The following TXK variants were observed in gnomAD, a reference collection of about 807,000 sequenced individuals.
TXK encodes tyrosine-protein kinase TXK.
Under a neutral mutation model 81.0 loss-of-function variants are expected in TXK, and 60 were observed. The observed-to-expected ratio is 0.74, with a 90% CI of 0.60 to 0.92. The LOEUF is 0.92. Among genes scored for constraint, TXK ranks in the 40% least tolerant of loss-of-function variants. The pLI, the probability that TXK is intolerant of heterozygous loss-of-function variation, is 0.00. For synonymous variants in TXK, 203 were observed against 210.7 expected (o/e 0.96, Z 0.32); for missense variants, 581 against 638.3 (o/e 0.91, Z 0.97).
chr4:48,092,226 A>AT (rs1191682344), intron 8 of TXK, among the ~76,000 whole-genome samples: 1 of 152,180 alleles, frequency 6.6e-6, no homozygotes, highest in African/African-American at 2.4e-5. Flanking sequence ...GCAAAGGGAG[A>AT]TGCCTAAGGT....
chr4:48,110,929 C>T (rs1411345791), intron 4 of TXK, among the ~76,000 whole-genome samples: 2 of 152,178 alleles, frequency 1.3e-5, no homozygotes, highest in African/African-American at 4.8e-5. Flanking sequence ...ACAAAGACAT[C>T]GACTTCATTC....
intron 10 of TXK, among the ~76,000 whole-genome samples, chr4:48,082,500 TAACTC>T (rs757078211): frequency 2.6e-5 from 4 of 152,192 alleles, no homozygotes; most frequent in East Asian, 1.9e-4. Context: ...CTTTGGATAA[TAACTC>T]AACCAATTGT....
chr4:48,079,696 C>G (rs1482929075), intron 11 of TXK, among the ~76,000 whole-genome samples: 1 of 152,164 alleles, frequency 6.6e-6, no homozygotes, highest in African/African-American at 2.4e-5. Flanking sequence ...TCGGCTCTGT[C>G]TAGGCAGCAG....
At chr4:48,104,810 A>C (rs1480474949) in intron 6 of TXK, 91 bp downstream of exon 6, 2 of 977,512 alleles carry the variant, frequency 2.0e-6, no homozygotes, top group Non-Finnish European at 3.1e-6. Flanking sequence ...GAACTAGAAA[A>C]GACAAGAAAT....
At chr4:48,098,110 A>C (rs1443002782) in intron 6 of TXK, among the ~76,000 whole-genome samples, 4 of 152,180 alleles carry the variant, frequency 2.6e-5, no homozygotes, top group Admixed American at 1.3e-4. Flanking sequence ...CTTAAAGAAA[A>C]AAATGGTATA....
At chr4:48,080,732 T>G (rs1181599801) in intron 10 of TXK, among the ~76,000 whole-genome samples, 1 of 151,018 alleles carries the variant, frequency 6.6e-6, no homozygotes, top group Non-Finnish European at 1.5e-5. Flanking sequence ...TATTAAAATA[T>G]ACCCAGAACT....
intron 14 of TXK, among the ~76,000 whole-genome samples, chr4:48,070,140 T>C (rs1446911246): frequency 2.1e-5 from 3 of 140,212 alleles, no homozygotes; most frequent in African/African-American, 7.9e-5. Flanking sequence ...AGGAGGAAAC[T>C]TCTCATCAAG....
intron 8 of TXK, 74 bp downstream of exon 8, chr4:48,094,003 G>C: frequency 6.3e-7 from 1 of 1,575,510 alleles, no homozygotes; most frequent in Non-Finnish European, 8.7e-7. Context: ...CCTGTTGAGT[G>C]CCTGATACCA....
In TXK at chr4:48,067,459, G is replaced by T; in HGVS notation, c.*178C>A. The T allele has an allele frequency of 1.6e-6, 1 of 623,172 alleles. No homozygotes were observed. The allele number at this position is 623,172 out of a possible 1,614,324, so 38.6% of individuals were successfully genotyped here. A position where few individuals can be genotyped will look rare whatever the true frequency, so the allele number is the denominator to read the frequency against. ...AAATCCCTCTCACACATAGAAAAACGATTGTGTGAATATTCTTAAATTTTT... is the reference window on the plus strand; with the variant it reads ...AAATCCCTCTCACACATAGAAAAACTATTGTGTGAATATTCTTAAATTTTT... On this transcript the variant is annotated 3_prime_UTR_variant, in exon 15 of 15. Coordinates refer to ENST00000264316, the MANE Select transcript of TXK (RefSeq NM_003328.3).
Position 48,074,151 on chromosome 4 carries a change from T to A in TXK, c.1239-98A>T, listed in dbSNP as rs1716972712. The A allele has an allele frequency of 6.6e-6, 6 of 902,974 alleles. No homozygotes were observed. The South Asian group carries it at 1.0e-4, about 15-fold the overall frequency. The allele number at this position is 902,974 out of a possible 1,614,324, so 55.9% of individuals were successfully genotyped here. ...AACTCTAAGTTGCTAAAAGACAAAG[T>A]ATTTTACCCCAGAAAGGTTGTGGAT... On this transcript the variant is annotated intron_variant, in intron 12 of 14. Coordinates refer to ENST00000264316, the MANE Select transcript of TXK (RefSeq NM_003328.3).
intron 1 of TXK, among the ~76,000 whole-genome samples, chr4:48,124,976 A>G (rs1486240862): frequency 1.3e-5 from 2 of 152,206 alleles, no homozygotes; most frequent in Non-Finnish European, 2.9e-5. Context: ...GTAGGTAATA[A>G]AAGTTGTCTT....
In TXK at chr4:48,094,068, C is replaced by T; in HGVS notation, c.709+9G>A. ...CCCTGACTCACCCAGCTGGAAGTTC[C>T]CCTCTTACCGGCTGCATTGTGCTGG... On this transcript the variant is annotated intron_variant, in intron 8 of 14. Coordinates refer to ENST00000264316, the MANE Select transcript of TXK (RefSeq NM_003328.3). 1 of 1,613,158 alleles carries T rather than the reference C, an allele frequency of 6.2e-7. No individual in the cohort carries two copies.
chr4:48,108,682 T>C (rs1352947014), intron 5 of TXK, among the ~76,000 whole-genome samples: 1 of 152,178 alleles, frequency 6.6e-6, no homozygotes, highest in African/African-American at 2.4e-5. Context: ...AAAATGAGTT[T>C]TCTCATAATT....
In TXK at chr4:48,114,396, G is replaced by A. The variant is rs764408040; in HGVS notation, c.23C>T (p.Thr8Ile). ...GCAGCAACAGAAAACCGACTGGATGGTGTTATCTGAAAAGCAGATCATTTC... is the reference window on the plus strand; with the variant it reads ...GCAGCAACAGAAAACCGACTGGATGATGTTATCTGAAAAGCAGATCATTTC... MILSSYN[T>I]IQSVFCCCCC... Residue 8 changes from threonine (T) to isoleucine (I), a missense_variant, in exon 2 of 15, where the codon ACC becomes ATC. Physicochemically the swap from Thr to Ile is moderately conservative, Grantham distance 89 (BLOSUM62 -1). Coordinates refer to ENST00000264316, the MANE Select transcript of TXK (RefSeq NM_003328.3). The A allele has an allele frequency of 5.6e-6, 9 of 1,614,016 alleles. No individual in the cohort carries two copies. The highest frequency in any genetic ancestry group is 3.3e-5 in the Admixed American group (2 of 60,006).
In TXK at chr4:48,089,791, A is replaced by G. The variant is rs751259096; in HGVS notation, c.743T>C (p.Leu248Pro). ...LMTRLRYPVG[L>P]MGSCLPATAG... Reference sequence around the variant, plus strand: ...TGTGGCTGGTAAACAACTGCCCATCAGCCCAACTGGATATCGGAGACGAGT... The same window carrying G: ...TGTGGCTGGTAAACAACTGCCCATCGGCCCAACTGGATATCGGAGACGAGT... Residue 248 changes from leucine to proline, a missense_variant, in exon 9 of 15, where the codon CTG becomes CCG. Coordinates refer to ENST00000264316, the MANE Select transcript of TXK (RefSeq NM_003328.3). The G allele has an allele frequency of 6.2e-7, 1 of 1,613,754 alleles. No homozygotes were observed. Among genetic ancestry groups the G allele is most frequent in the Non-Finnish European group, 8.5e-7 (1 of 1,179,732 alleles).
At chr4:48,069,206 C>T (rs1312967843) in intron 14 of TXK, among the ~76,000 whole-genome samples, 1 of 152,068 alleles carries the variant, frequency 6.6e-6, no homozygotes, top group Non-Finnish European at 1.5e-5. Flanking sequence ...GGAGGCTGAG[C>T]TGGGCGGATT....
chr4:48,074,442 G>T (rs888590729), intron 12 of TXK, among the ~76,000 whole-genome samples: 4 of 152,144 alleles, frequency 2.6e-5, no homozygotes, highest in African/African-American at 9.7e-5. Context: ...TCTTAAAATG[G>T]AAATGAATGA....
chr4:48,110,329 G>C (rs1223245648), intron 5 of TXK, among the ~76,000 whole-genome samples: 2 of 152,094 alleles, frequency 1.3e-5, no homozygotes, highest in East Asian at 1.9e-4. Context: ...TGTTAAAACA[G>C]AAAAAGTGGC....
intron 1 of TXK, among the ~76,000 whole-genome samples, chr4:48,130,164 G>A (rs1271707043): frequency 6.6e-6 from 1 of 152,224 alleles, no homozygotes; most frequent in African/African-American, 2.4e-5. Flanking sequence ...CCAGGCAGAA[G>A]GGTGGCCAAA....
Sources: allele counts gnomAD v4.1 joint callset (sites outside exome capture counted in the v4.1 genomes callset), GRCh38; gene constraint gnomAD v4.1.1; transcripts MANE v1.5; gene names NCBI Gene and HGNC (gene_info 2026-07-23, HGNC 2026-07-21).